The following PLEKHA7 variants were observed in gnomAD, a reference collection of about 807,000 sequenced individuals.
The protein encoded by PLEKHA7 is pleckstrin homology domain-containing family A member 7.
Under a neutral mutation model 170.0 loss-of-function variants are expected in PLEKHA7, and 104 were observed. That is an observed-to-expected ratio of 0.61 (90% confidence interval 0.52 to 0.72). The LOEUF (loss-of-function observed/expected upper bound fraction) is 0.72, where lower values mean the gene tolerates loss of function less well. Among genes scored for constraint, PLEKHA7 ranks in the 30% least tolerant of loss-of-function variants. PLEKHA7 has a pLI of 0.00. For synonymous variants in PLEKHA7, 648 were observed against 660.8 expected (o/e 0.98, Z 0.30); for missense variants, 1,615 against 1,671.7 (o/e 0.97, Z 0.59).
At chr11:16,992,407 T>A (rs1456847117) in intron 3 of PLEKHA7, among the ~76,000 whole-genome samples, 1 of 152,182 alleles carries the variant, frequency 6.6e-6, no homozygotes, top group African/African-American at 2.4e-5. Flanking sequence ...CAGTCCTACA[T>A]GGGTAAACAA....
At chr11:17,010,103 C>T (rs12365483) in intron 3 of PLEKHA7, among the ~76,000 whole-genome samples, 96,543 of 151,934 alleles carry the variant, frequency 0.64, 31,302 homozygotes, top group East Asian at 0.96. Context: ...AAATGGACTC[C>T]GAGGCCAGGC....
At chr11:16,876,119 C>T (rs910720115) in intron 3 of PLEKHA7, among the ~76,000 whole-genome samples, 6 of 152,208 alleles carry the variant, frequency 3.9e-5, no homozygotes, top group Non-Finnish European at 4.4e-5. Context: ...TCCCCCGCCA[C>T]AAAAGCCCTC....
chr11:16,826,478 G>T lies in PLEKHA7; in HGVS notation c.985C>A (p.His329Asn). 1 of 1,614,236 alleles carries T rather than the reference G, an allele frequency of 6.2e-7. No homozygotes were observed. Among genetic ancestry groups the T allele is most frequent in the Non-Finnish European group, 8.5e-7 (1 of 1,180,056 alleles). ...CTCTCGAAGTTGACAATGTCATCAT[G>T]GCCACGATGAGGACAATCTCTCGTA... ...GHTRDCPHRG[H>N]DDIVNFERQE... The change falls in exon 10 of 27, where the codon CAT becomes AAT. Residue 329 changes from histidine (H) to asparagine (N), a missense_variant. Coordinates refer to ENST00000531066, the MANE Select transcript of PLEKHA7 (RefSeq NM_001329630.2).
At chr11:16,897,327 G>C (rs1857057156) in intron 3 of PLEKHA7, among the ~76,000 whole-genome samples, 1 of 152,122 alleles carries the variant, frequency 6.6e-6, no homozygotes, top group African/African-American at 2.4e-5. Flanking sequence ...GTCTCCTTCA[G>C]ACTGAGCTCC....
At chr11:16,846,026 T>C (rs938123654) in intron 8 of PLEKHA7, among the ~76,000 whole-genome samples, 1 of 152,300 alleles carries the variant, frequency 6.6e-6, no homozygotes. Flanking sequence ...GGCTCATGCC[T>C]GTAATCCCAG....
At chr11:16,888,384 C>T (rs933122612) in intron 3 of PLEKHA7, among the ~76,000 whole-genome samples, 26 of 152,026 alleles carry the variant, frequency 1.7e-4, no homozygotes, top group African/African-American at 5.8e-4. Context: ...ATGACGATGG[C>T]GGTTTTGTTG....
At chr11:16,801,531 G>T in intron 16 of PLEKHA7, 137 bp downstream of exon 16, 1 of 1,105,604 alleles carries the variant, frequency 9.0e-7, no homozygotes, top group South Asian at 1.5e-5. Flanking sequence ...TCAGGTGGCA[G>T]TTCTGCTACT....
chr11:16,781,760 G>T (rs1407225464), intron 26 of PLEKHA7, among the ~76,000 whole-genome samples: 1 of 152,126 alleles, frequency 6.6e-6, no homozygotes, highest in Non-Finnish European at 1.5e-5. Flanking sequence ...CTGATCTCCA[G>T]ACAAGACTCC....
At chr11:16,893,720 G>A (rs1363058296) in intron 3 of PLEKHA7, among the ~76,000 whole-genome samples, 1 of 152,162 alleles carries the variant, frequency 6.6e-6, no homozygotes, top group East Asian at 1.9e-4. Context: ...CATAAATCCT[G>A]ACATGTAGCG....
chr11:16,797,714 T>C (rs1010885219), intron 17 of PLEKHA7, among the ~76,000 whole-genome samples: 1 of 152,066 alleles, frequency 6.6e-6, no homozygotes. Context: ...CCAGGGCATG[T>C]GTATGTAAGA....
intron 3 of PLEKHA7, among the ~76,000 whole-genome samples, chr11:16,883,684 T>C (rs6416168): frequency 1 from 151,812 of 152,296 alleles, 75,670 homozygotes; most frequent in South Asian, 1. Flanking sequence ...TTCCTAATCA[T>C]GCCAGACCAC....
At chr11:16,890,407 T>A (rs1171709036) in intron 3 of PLEKHA7, among the ~76,000 whole-genome samples, 1 of 152,090 alleles carries the variant, frequency 6.6e-6, no homozygotes, top group African/African-American at 2.4e-5. Flanking sequence ...AAAACCCACC[T>A]CGCTGATAAA....
intron 3 of PLEKHA7, among the ~76,000 whole-genome samples, chr11:16,894,532 T>A (rs1471351892): frequency 6.6e-6 from 1 of 152,138 alleles, no homozygotes; most frequent in East Asian, 1.9e-4. Context: ...AGGAGAGAGG[T>A]ATCAAATAGT....
intron 3 of PLEKHA7, among the ~76,000 whole-genome samples, chr11:16,892,024 A>G (rs1190324769): frequency 6.6e-6 from 1 of 152,234 alleles, no homozygotes; most frequent in Non-Finnish European, 1.5e-5. Context: ...ACAATGTCAC[A>G]GAGTCTCTGA....
chr11:16,783,621 C>A, intron 25 of PLEKHA7, 79 bp downstream of exon 25: 1 of 1,312,052 alleles, frequency 7.6e-7, no homozygotes, highest in South Asian at 2.2e-5. Flanking sequence ...CCCCAGCCAG[C>A]CCGGCCCAGG....
chr11:16,906,488 T>C (rs1249973323), intron 3 of PLEKHA7, among the ~76,000 whole-genome samples: 1 of 139,926 alleles, frequency 7.1e-6, no homozygotes, highest in Non-Finnish European at 1.5e-5. Context: ...GCCTGACTGG[T>C]TTTCGTATTT....
At chr11:17,013,875 G>A in intron 3 of PLEKHA7, 114 bp downstream of exon 3, 2 of 1,207,950 alleles carry the variant, frequency 1.7e-6, no homozygotes, top group Non-Finnish European at 2.2e-6. Flanking sequence ...GGCGCAGCGC[G>A]CGCCAACGAG....
rs905089967 is a variant in PLEKHA7 at position 16,996,381 on chromosome 11, G to T, written c.221+17608C>A. On this transcript the variant is annotated intron_variant, in intron 3 of 26. Coordinates refer to ENST00000531066, the MANE Select transcript of PLEKHA7 (RefSeq NM_001329630.2). ...CAACATGGAGACAGTAGACTCTCAG[G>T]GGGGTGGTCCCTCCACCTATCCCAT... Among the ~76,000 whole-genome samples the T allele has an allele frequency of 6.6e-5, 10 of 152,162 alleles. No homozygotes were observed. The East Asian group carries it at 1.4e-3, about 21-fold the overall frequency.
At chr11:16,882,860 T>TCACACACA (rs768102944) in intron 3 of PLEKHA7, among the ~76,000 whole-genome samples, 1,655 of 151,830 alleles carry the variant, frequency 0.011, 26 homozygotes, top group African/African-American at 0.038. Context: ...ATACACATAT[T>TCACACACA]CACACACACA....
Sources: allele counts gnomAD v4.1 joint callset (sites outside exome capture counted in the v4.1 genomes callset), GRCh38; gene constraint gnomAD v4.1.1; transcripts MANE v1.5; gene names NCBI Gene and HGNC (gene_info 2026-07-23, HGNC 2026-07-21).